The following PHACTR1 variants were observed in gnomAD, a reference collection of about 807,000 sequenced individuals.
PHACTR1 encodes the protein phosphatase and actin regulator 1.
PHACTR1 carries 16 observed loss-of-function variants against 69.2 expected under a neutral mutation model. The ratio of observed to expected loss-of-function variants is 0.23; its 90% CI spans 0.16 to 0.35. The LOEUF (loss-of-function observed/expected upper bound fraction) is 0.35. Ranked by LOEUF, PHACTR1 falls within the 10% of genes least tolerant of loss-of-function variation. The pLI is 1.00. For missense variants in PHACTR1, 510 were observed against 734.7 expected, an observed-to-expected ratio of 0.69 and a Z score of 3.54; for synonymous variants, 312 against 284.5, an observed-to-expected ratio of 1.10 and a Z score of -0.97.
At chr6:12,736,114 A>C (rs2127578561) in intron 3 of PHACTR1, among the ~76,000 whole-genome samples, 1 of 152,358 alleles carries the variant, frequency 6.6e-6, no homozygotes, top group East Asian at 1.9e-4. Context: ...TAGAAAAAGA[A>C]AAATGTTCCA....
intron 10 of PHACTR1, among the ~76,000 whole-genome samples, chr6:13,260,172 T>C (rs992685144): frequency 6.6e-6 from 1 of 152,194 alleles, no homozygotes; most frequent in Non-Finnish European, 1.5e-5. Context: ...TTGGTGGTTT[T>C]GGAGCATTCA....
chr6:12,734,570 C>A (rs1415701892), intron 3 of PHACTR1, among the ~76,000 whole-genome samples: 1 of 152,074 alleles, frequency 6.6e-6, no homozygotes, highest in Non-Finnish European at 1.5e-5. Context: ...GTACTGTGAA[C>A]CATTACTTCC....
chr6:12,921,613 GAAGA>G (rs1446824436), intron 4 of PHACTR1, among the ~76,000 whole-genome samples: 1 of 110,516 alleles, frequency 9.0e-6, no homozygotes, highest in Non-Finnish European at 1.9e-5. Context: ...AGGAAGGAAG[GAAGA>G]AAGGGAGGAA....
At chr6:12,902,060 A>C (rs1482160719) in intron 4 of PHACTR1, among the ~76,000 whole-genome samples, 1 of 152,122 alleles carries the variant, frequency 6.6e-6, no homozygotes, top group East Asian at 1.9e-4. Context: ...AGCCCCCTAC[A>C]TGCACAGGAC....
chr6:12,911,356 A>G (rs1294809653), intron 4 of PHACTR1, among the ~76,000 whole-genome samples: 1 of 152,178 alleles, frequency 6.6e-6, no homozygotes, highest in African/African-American at 2.4e-5. Context: ...AAAAAAAAAG[A>G]AAGAAAGAGA....
chr6:13,088,831 A>G (rs1326697398), intron 5 of PHACTR1, among the ~76,000 whole-genome samples: 1 of 152,310 alleles, frequency 6.6e-6, no homozygotes, highest in Non-Finnish European at 1.5e-5. Context: ...ATACAATGCA[A>G]TGCACATGGA....
At chr6:13,269,083 A>G (rs1227638746) in intron 10 of PHACTR1, among the ~76,000 whole-genome samples, 1 of 152,188 alleles carries the variant, frequency 6.6e-6, no homozygotes, top group Non-Finnish European at 1.5e-5. Context: ...ATGAGGGAAC[A>G]ATGTAGTCTG....
chr6:13,017,346 T>C (rs1232896917), intron 4 of PHACTR1, among the ~76,000 whole-genome samples: 1 of 152,094 alleles, frequency 6.6e-6, no homozygotes, highest in African/African-American at 2.4e-5. Context: ...TGTGTGTGTG[T>C]GTGATGTATA....
intron 4 of PHACTR1, among the ~76,000 whole-genome samples, chr6:12,820,612 C>T (rs1776094759): frequency 6.6e-6 from 1 of 152,164 alleles, no homozygotes; most frequent in Non-Finnish European, 1.5e-5. Flanking sequence ...TCTTGGAGTG[C>T]CTTGTATACT....
At chr6:13,198,488 A>G (rs1347124184) in intron 7 of PHACTR1, among the ~76,000 whole-genome samples, 4 of 152,134 alleles carry the variant, frequency 2.6e-5, no homozygotes, top group Non-Finnish European at 5.9e-5. Flanking sequence ...CGGTTTATGT[A>G]CTTTATTTAA....
At chr6:12,856,258 T>TC (rs1200654395) in intron 4 of PHACTR1, among the ~76,000 whole-genome samples, 8 of 150,090 alleles carry the variant, frequency 5.3e-5, no homozygotes, top group Non-Finnish European at 7.4e-5. Flanking sequence ...TTTCTTTCTT[T>TC]TTTTTTTTTT....
Position 12,871,990 on chromosome 6 carries a change from GT to G in PHACTR1, c.250+122202del, listed in dbSNP as rs1782079050. ...TTTTATCTACCAATTTTCAGAATGA[GT>G]TAGTGACCAATGAGTTTTTTTACCA... On this transcript the variant is annotated intron_variant, in intron 4 of 14. Coordinates refer to ENST00000332995, the MANE Select transcript of PHACTR1 (RefSeq NM_030948.6). Among the ~76,000 whole-genome samples the G allele has an allele frequency of 2.0e-5, 3 of 151,822 alleles. No homozygotes were observed. In the South Asian group the frequency reaches 6.2e-4, roughly 32 times the overall value.
intron 4 of PHACTR1, among the ~76,000 whole-genome samples, chr6:12,910,298 C>T (rs1786241300): frequency 2.0e-5 from 3 of 152,112 alleles, no homozygotes; most frequent in South Asian, 4.1e-4. Flanking sequence ...TAATGGCCCC[C>T]CAGGATGCAT....
intron 7 of PHACTR1, among the ~76,000 whole-genome samples, chr6:13,192,507 T>C (rs548437704): frequency 2.0e-5 from 3 of 152,362 alleles, no homozygotes; most frequent in African/African-American, 7.2e-5. Flanking sequence ...GCTGTGAATG[T>C]CACGAGGAAG....
At chr6:12,748,424 A>G (rs983817933) in intron 3 of PHACTR1, among the ~76,000 whole-genome samples, 12 of 152,300 alleles carry the variant, frequency 7.9e-5, no homozygotes, top group African/African-American at 2.9e-4. Flanking sequence ...GCAAGGTAAG[A>G]TTTAATCTGT....
intron 4 of PHACTR1, among the ~76,000 whole-genome samples, chr6:12,903,110 G>A (rs916698268): frequency 3.3e-5 from 5 of 152,224 alleles, no homozygotes; most frequent in Middle Eastern, 3.4e-3. Flanking sequence ...ACCTGCTTTC[G>A]GCTCCCAGCT....
intron 4 of PHACTR1, among the ~76,000 whole-genome samples, chr6:12,795,672 AC>A (rs1378201592): frequency 6.6e-6 from 1 of 152,136 alleles, no homozygotes; most frequent in Non-Finnish European, 1.5e-5. Flanking sequence ...TTGTGCCCAT[AC>A]ATATTAAACA....
chr6:13,277,566 C>T (rs1469224798), intron 11 of PHACTR1, among the ~76,000 whole-genome samples: 3 of 152,166 alleles, frequency 2.0e-5, no homozygotes, highest in African/African-American at 7.2e-5. Flanking sequence ...CTGGGAGGCT[C>T]AACAAAGAAT....
At chr6:13,228,483 G>T (rs537725665) in intron 9 of PHACTR1, among the ~76,000 whole-genome samples, 25 of 152,230 alleles carry the variant, frequency 1.6e-4, no homozygotes, top group Non-Finnish European at 3.1e-4. Flanking sequence ...ACTTTAGAAG[G>T]CCTCAATTTA....
Sources: allele counts gnomAD v4.1 joint callset (sites outside exome capture counted in the v4.1 genomes callset), GRCh38; gene constraint gnomAD v4.1.1; transcripts MANE v1.5; gene names NCBI Gene and HGNC (gene_info 2026-07-23, HGNC 2026-07-21).